STMN1: variants seen among roughly 807,000 people sequenced by gnomAD.
STMN1 encodes stathmin.
Under a neutral mutation model 19.7 loss-of-function variants are expected in STMN1, and 3 were observed. That is an observed-to-expected ratio of 0.15 (90% CI 0.07 to 0.39). STMN1 has a LOEUF of 0.39. STMN1 is among the 10% of genes least tolerant of loss of function. The probability of loss-of-function intolerance (pLI) is 1.00; values close to 1 mark genes in which losing one functional copy is unlikely to be tolerated. For synonymous variants in STMN1, 59 were observed against 58.9 expected (o/e 1.00, Z -0.01); for missense variants, 99 against 176.0 (o/e 0.56, Z 2.48).
At chr1:25,898,224 C>T (rs748921893), downstream of STMN1, among the ~76,000 whole-genome samples, 3 of 152,208 alleles carry the variant, frequency 2.0e-5, no homozygotes, top group African/African-American at 7.2e-5. Context: ...TCTCTGTGCA[C>T]GTGGCAATCA....
At chr1:25,904,797 C>A in intron 1 of STMN1, 59 bp from the exon 2 acceptor site, 3 of 1,399,648 alleles carry the variant, frequency 2.1e-6, no homozygotes, top group Admixed American at 2.5e-5. Flanking sequence ...ATGTCATCAA[C>A]CCAAAAAAAT....
At chr1:25,884,861 A>G (rs2048709063), downstream of STMN1, 1 of 153,510 alleles carries the variant, frequency 6.5e-6, no homozygotes, top group African/African-American at 2.4e-5. Context: ...CAGCCCCTTG[A>G]TTTTTCTTGC....
chr1:25,897,227 C>A (rs539293816), downstream of STMN1, among the ~76,000 whole-genome samples: 1 of 150,494 alleles, frequency 6.6e-6, no homozygotes, highest in Admixed American at 6.7e-5. Context: ...GCAGGAGAAT[C>A]GCTTGAACTG....
Position 25,900,856 on chromosome 1 carries a change from C to G in STMN1, c.*160G>C, listed in dbSNP as rs967461705. On this transcript the variant is annotated 3_prime_UTR_variant, in exon 5 of 5. Transcript: ENST00000455785. ...CACTTTCAGTTTCTCCCCTTTAGCCCCTAAAACAACATCTTACAGTCTGGA... is the reference window on the plus strand; with the variant it reads ...CACTTTCAGTTTCTCCCCTTTAGCCGCTAAAACAACATCTTACAGTCTGGA... 7.0e-7 allele frequency: 1 copy of G among 1,430,250 alleles called. No individual in the cohort carries two copies. The highest frequency in any genetic ancestry group is 9.2e-7 in the Non-Finnish European group (1 of 1,090,622). 88.6% of individuals were successfully genotyped at this position (1,430,250 alleles called of 1,614,324 possible).
chr1:25,899,964 C>T, downstream of STMN1: 2 of 470,396 alleles, frequency 4.3e-6, no homozygotes, highest in Non-Finnish European at 5.6e-6. Context: ...AGGAAAGCTG[C>T]CAAAGGCGTT....
exon 5 of STMN1, chr1:25,885,773 C>T: frequency 6.4e-7 from 1 of 1,551,614 alleles, no homozygotes; most frequent in African/African-American, 1.4e-5. Flanking sequence ...GATTGGAGGC[C>T]CAGGGCTGGG....
At chr1:25,891,456 A>G (rs1317779207) in intron 4 of STMN1, among the ~76,000 whole-genome samples, 1 of 152,192 alleles carries the variant, frequency 6.6e-6, no homozygotes, top group African/African-American at 2.4e-5. Context: ...GAAATGATGG[A>G]GCCAGGTGAC....
chr1:25,890,736 A>G (rs1167267470), intron 4 of STMN1, among the ~76,000 whole-genome samples: 1 of 152,124 alleles, frequency 6.6e-6, no homozygotes, highest in African/African-American at 2.4e-5. Context: ...GCCAGGGTCT[A>G]CGGGACACAC....
intron 4 of STMN1, 30 bp from the exon 5 acceptor site, chr1:25,901,117 CAAAAAAAAAA>C (rs58316569): frequency 8.3e-6 from 10 of 1,204,884 alleles, no homozygotes; most frequent in Admixed American, 5.0e-5. Flanking sequence ...TGTCATCAGT[CAAAAAAAAAA>C]AAAAAAAAAA....
chr1:25,899,674 T>A (rs781480522), downstream of STMN1, among the ~76,000 whole-genome samples: 41 of 152,164 alleles, frequency 2.7e-4, no homozygotes, highest in Non-Finnish European at 3.5e-4. Flanking sequence ...ATGCTAAATA[T>A]CTATGTTCTA....
downstream of STMN1, chr1:25,885,005 G>A: frequency 6.5e-6 from 1 of 153,770 alleles, no homozygotes; most frequent in Admixed American, 6.5e-5. Context: ...TGTGAAGTCT[G>A]TAAGTGGTTG....
Position 25,901,544 on chromosome 1 carries a change from T to C in STMN1, c.325A>G (p.Lys109Glu). ...EKLTHKMEAN[K>E]ENREAQMAAK... ...GCCATTTGTGCCTCTCGGTTCTCTT[T>C]ATTAGCTTCCATTTTGTGGGTCAGT... Residue 109 changes from lysine to glutamate, a missense_variant, in exon 4 of 5, where the codon AAA (lysine) becomes GAA (glutamate). Physicochemically the swap from Lys to Glu is moderately conservative, Grantham distance 56 (BLOSUM62 1). Around this residue, in one of 3 missense-constraint regions of STMN1, gnomAD observed 54 missense variants for 79.4 expected, o/e 0.68. Transcript: ENST00000455785. 2 of 1,614,028 alleles carry C rather than the reference T, an allele frequency of 1.2e-6. No homozygotes were observed. Among genetic ancestry groups the C allele is most frequent in the Non-Finnish European group, 1.7e-6 (2 of 1,179,984 alleles).
intron 2 of STMN1, 124 bp from the exon 3 acceptor site, chr1:25,903,937 G>GT (rs985088603): frequency 7.3e-5 from 75 of 1,033,128 alleles, no homozygotes; most frequent in Middle Eastern, 3.2e-4. Context: ...GGAAAGTTGT[G>GT]TTTTTTTTCC....
intron 3 of STMN1, chr1:25,902,193 C>A (rs2048883400): frequency 6.6e-6 from 1 of 152,078 alleles, no homozygotes; most frequent in African/African-American, 2.4e-5. Flanking sequence ...TGGAAAAGTG[C>A]TTATCTGTTC....
Position 25,900,408 on chromosome 1 carries a change from T to C in STMN1, c.*608A>G. On this transcript the variant is annotated 3_prime_UTR_variant, in exon 5 of 5. Transcript: ENST00000455785. The stretch of plus-strand genomic sequence containing the variant: ...AAGCAGTCATTGTGGAAGGAGACAA[T>C]GCAAACCACACTGGGGCAAGAAACG... 5.1e-6 allele frequency: 5 copies of C among 985,794 alleles called. No individual in the cohort carries two copies. The highest frequency in any genetic ancestry group is 6.0e-6 in the Non-Finnish European group (5 of 829,948). 61.1% of individuals were successfully genotyped at this position (985,794 alleles called of 1,614,324 possible). A position where few individuals can be genotyped will look rare whatever the true frequency, so the allele number is the denominator to read the frequency against.
upstream of STMN1, chr1:25,906,707 G>C (rs1454835199): frequency 6.6e-6 from 1 of 152,384 alleles, no homozygotes; most frequent in Non-Finnish European, 1.5e-5. This position sits in a 1 kb window ranked among gnomAD's most constrained non-coding sequence, Gnocchi z 4.5. Context: ...AGTGGACCCC[G>C]GACTAGGTCC....
Position 25,900,403 on chromosome 1 carries a change from G to A in STMN1, c.*613C>T. Reference sequence around the variant, plus strand: ...AAACAAAGCAGTCATTGTGGAAGGAGACAATGCAAACCACACTGGGGCAAG... The same window carrying A: ...AAACAAAGCAGTCATTGTGGAAGGAAACAATGCAAACCACACTGGGGCAAG... On this transcript the variant is annotated 3_prime_UTR_variant, in exon 5 of 5. Transcript: ENST00000455785. 7 of 985,864 alleles carry A rather than the reference G, an allele frequency of 7.1e-6. No individual in the cohort carries two copies. The highest frequency in any genetic ancestry group is 8.4e-6 in the Non-Finnish European group (7 of 829,954). The allele number at this position is 985,864 out of a possible 1,614,324, so 61.1% of individuals were successfully genotyped here.
At chr1:25,895,640 G>A (rs1207273409), downstream of STMN1, among the ~76,000 whole-genome samples, 1 of 152,206 alleles carries the variant, frequency 6.6e-6, no homozygotes, top group African/African-American at 2.4e-5. Flanking sequence ...GCAAGCCCAG[G>A]GTTGCCAGAT....
Position 25,903,746 on chromosome 1 carries a change from C to T in STMN1, c.81G>A (p.Arg27=), listed in dbSNP as rs372795178. ...GQAFELILSP[R]SKESVPEFPL... is the part of the protein sequence containing the mutation. Reference sequence around the variant, plus strand: ...GGAATTCTGGAACAGATTCTTTTGACCGAGGGCTGAGAATCAGCTCAAAAG... The same window carrying T: ...GGAATTCTGGAACAGATTCTTTTGATCGAGGGCTGAGAATCAGCTCAAAAG... Residue 27 remains arginine, a synonymous_variant, in exon 3 of 5, where the codon CGG becomes CGA. Transcript: ENST00000455785. The T allele has an allele frequency of 1.8e-5, 29 of 1,613,894 alleles. No individual in the cohort carries two copies. The Middle Eastern group carries it at 1.2e-3, about 65-fold the overall frequency.
Sources: allele counts gnomAD v4.1 joint callset (sites outside exome capture counted in the v4.1 genomes callset), GRCh38; gene constraint gnomAD v4.1.1; regional missense constraint gnomAD v4.1.1; non-coding constraint Gnocchi (gnomAD v3.1); transcripts MANE v1.5; gene names NCBI Gene and HGNC (gene_info 2026-07-23, HGNC 2026-07-21).